The following OPRM1 variants were observed in gnomAD, a reference collection of about 807,000 sequenced individuals.
OPRM1 encodes the protein mu-type opioid receptor.
Under a neutral mutation model 31.8 loss-of-function variants are expected in OPRM1, and 27 were observed. That is an observed-to-expected ratio of 0.85 (90% CI 0.63 to 1.17). The LOEUF is 1.17. Among genes scored for constraint, OPRM1 ranks in the 50% most tolerant of loss-of-function variants. The probability of loss-of-function intolerance (pLI) is 0.00; values close to 1 mark genes in which losing one functional copy is unlikely to be tolerated. For synonymous variants in OPRM1, 196 were observed against 189.9 expected (o/e 1.03, Z -0.26); for missense variants, 536 against 511.1 (o/e 1.05, Z -0.47).
At chr6:154,025,778 A>T (rs1334123437) in intron 1 of OPRM1, among the ~76,000 whole-genome samples, 1 of 152,080 alleles carries the variant, frequency 6.6e-6, no homozygotes, top group Non-Finnish European at 1.5e-5. Context: ...ACAATTTAGC[A>T]CTTTTTGCAT....
chr6:154,098,317 A>G (rs1793761826), intron 3 of OPRM1, among the ~76,000 whole-genome samples: 1 of 152,210 alleles, frequency 6.6e-6, no homozygotes, highest in Admixed American at 6.5e-5. Flanking sequence ...AACTAACTGA[A>G]AAACAGCAAC....
At chr6:154,230,310 A>G (rs1344305403) in intron 3 of OPRM1, among the ~76,000 whole-genome samples, 1 of 152,222 alleles carries the variant, frequency 6.6e-6, no homozygotes, top group Non-Finnish European at 1.5e-5. Context: ...GAGGTTGTAC[A>G]TGAGTATGGG....
intron 3 of OPRM1, among the ~76,000 whole-genome samples, chr6:154,111,955 C>T (rs1034045318): frequency 1.3e-5 from 2 of 151,930 alleles, no homozygotes; most frequent in African/African-American, 4.8e-5. Context: ...TTAGTAGAAA[C>T]GGGGTTTCAC....
rs556657194 is a variant in OPRM1, at chr6:154,031,571, C to T, written c.1-7590C>T. Among the ~76,000 whole-genome samples, 3 of 150,964 alleles carry T rather than the reference C, an allele frequency of 2.0e-5. No individual in the cohort carries two copies. The South Asian group carries it at 6.3e-4, about 32-fold the overall frequency. ...CCAAAATGGTGAAACCCCATCTCTA[C>T]TAAAAATACAAAAAAAAAAATTAGC... On this transcript the variant is annotated intron_variant, in intron 1 of 5. Transcript: ENST00000434900.
At chr6:154,048,659 A>T (rs1781621676) in intron 1 of OPRM1, among the ~76,000 whole-genome samples, 1 of 152,192 alleles carries the variant, frequency 6.6e-6, no homozygotes, top group Admixed American at 6.5e-5. Flanking sequence ...TATAAAATCT[A>T]ATTTAAATAA....
intron 1 of OPRM1, among the ~76,000 whole-genome samples, chr6:154,083,879 G>A (rs574978266): frequency 6.9e-6 from 1 of 145,562 alleles, no homozygotes; most frequent in South Asian, 2.2e-4. Context: ...GGGAGGCGGA[G>A]CTTGCAGTGA....
At chr6:154,097,722 T>G (rs1793645812) in intron 3 of OPRM1, among the ~76,000 whole-genome samples, 1 of 152,138 alleles carries the variant, frequency 6.6e-6, no homozygotes, top group Non-Finnish European at 1.5e-5. Flanking sequence ...TATAAATTAT[T>G]GTGATATGTG....
In OPRM1 at chr6:154,193,639, T is replaced by A. The variant is rs1473505958; in HGVS notation, c.1165-53054T>A. ...GGATTTAATCAACAACAAGAAGTTA[T>A]AAGAAAGAGAAGAAAAATTGAAGAC... On this transcript the variant is annotated intron_variant, in intron 3 of 3. Coordinates refer to the OPRM1 transcript ENST00000337049. Among the ~76,000 whole-genome samples the A allele has an allele frequency of 2.0e-5, 3 of 152,138 alleles. No homozygotes were observed. The East Asian group carries it at 5.8e-4, about 29-fold the overall frequency.
chr6:154,157,244 C>G (rs986291230), intron 3 of OPRM1: 14 of 152,356 alleles, frequency 9.2e-5, no homozygotes, highest in African/African-American at 3.4e-4. Context: ...CCCCCACCCA[C>G]GTCTTAGTGG....
intron 1 of OPRM1, among the ~76,000 whole-genome samples, chr6:154,016,966 C>A (rs1306995212): frequency 1.3e-5 from 2 of 152,132 alleles, no homozygotes; most frequent in Admixed American, 6.5e-5. Flanking sequence ...GGGTTTGTTC[C>A]CTTAATGGAT....
exon 1 of OPRM1, chr6:154,010,578 A>C (rs1777673634): frequency 6.5e-7 from 1 of 1,543,828 alleles, no homozygotes. Flanking sequence ...GGAAGAAAAT[A>C]CTCCTCTGAG....
intron 3 of OPRM1, among the ~76,000 whole-genome samples, chr6:154,163,757 T>C (rs1245340722): frequency 1.3e-5 from 2 of 152,202 alleles, no homozygotes; most frequent in Non-Finnish European, 2.9e-5. Context: ...CTGAACCCTA[T>C]TTGGAGTCTG....
intron 3 of OPRM1, among the ~76,000 whole-genome samples, chr6:154,236,862 T>A (rs1015021506): frequency 2.0e-5 from 3 of 152,182 alleles, no homozygotes; most frequent in Non-Finnish European, 4.4e-5. Context: ...ATGTAGAGAT[T>A]CTACATTGTG....
chr6:154,030,872 G>T (rs1309102906), intron 1 of OPRM1, among the ~76,000 whole-genome samples: 1 of 152,154 alleles, frequency 6.6e-6, no homozygotes, highest in African/African-American at 2.4e-5. Flanking sequence ...TACATGGACT[G>T]CTTTCATTGT....
rs541784492 is a variant in OPRM1, at chr6:154,113,400, C to A, written c.1165-5283C>A. The stretch of plus-strand genomic sequence containing the variant: ...ATTATTGCAAGGACTCAAAGATGAA[C>A]CAAATAGCAACCTCCACATGCTCCA... On this transcript the variant is annotated intron_variant, in intron 3 of 3. Transcript: ENST00000330432. Among the ~76,000 whole-genome samples the A allele has an allele frequency of 2.6e-5, 4 of 152,236 alleles. No homozygotes were observed. In the South Asian group the frequency reaches 6.2e-4, roughly 24 times the overall value.
At chr6:154,186,625 T>C (rs534393591) in intron 3 of OPRM1, among the ~76,000 whole-genome samples, 10 of 152,156 alleles carry the variant, frequency 6.6e-5, no homozygotes, top group Non-Finnish European at 1.2e-4. Context: ...GGTGCGATCT[T>C]GGCTCACTGC....
chr6:154,044,571 A>T (rs1307655305), intron 1 of OPRM1, among the ~76,000 whole-genome samples: 4 of 152,108 alleles, frequency 2.6e-5, no homozygotes, highest in Non-Finnish European at 5.9e-5. Context: ...ATTTGCAAGC[A>T]TTTTTCTAAG....
At chr6:154,098,189 A>G (rs1350071909) in intron 3 of OPRM1, among the ~76,000 whole-genome samples, 1 of 152,204 alleles carries the variant, frequency 6.6e-6, no homozygotes, top group Admixed American at 6.5e-5. Flanking sequence ...ATTCCAGTCT[A>G]TTTTTCACTC....
intron 3 of OPRM1, among the ~76,000 whole-genome samples, chr6:154,227,257 A>G (rs1779327937): frequency 6.6e-6 from 1 of 152,056 alleles, no homozygotes; most frequent in Non-Finnish European, 1.5e-5. Context: ...ATAAAAAACA[A>G]TAGTTCCATG....
Sources: gnomAD v4.1 joint callset for allele counts (sites outside exome capture counted in the v4.1 genomes callset) on GRCh38, gnomAD v4.1.1 for gene constraint, MANE v1.5 for transcripts, NCBI Gene and HGNC (gene_info 2026-07-23, HGNC 2026-07-21) for gene names.